Variants in MTUS2 observed in about 807,000 individuals in gnomAD.
MTUS2 encodes the protein microtubule associated scaffold protein 2.
A neutral mutation model predicts 114.1 loss-of-function variants in MTUS2; 40 were observed. That is an observed-to-expected ratio of 0.35 (90% CI 0.27 to 0.46). The LOEUF is 0.46. Among genes scored for constraint, MTUS2 ranks in the 20% least tolerant of loss-of-function variants. The pLI is 1.00. For synonymous variants in MTUS2, 688 were observed against 672.0 expected, an observed-to-expected ratio of 1.02 and a Z score of -0.37; for missense variants, 1,679 against 1,705.4, an observed-to-expected ratio of 0.98 and a Z score of 0.27.
chr13:29,125,086 T>C (rs1186097286), intron 5 of MTUS2, among the ~76,000 whole-genome samples: 1 of 152,226 alleles, frequency 6.6e-6, no homozygotes, highest in African/African-American at 2.4e-5. Flanking sequence ...AAAATTATAT[T>C]ATGTGAATTT....
At chr13:28,961,737 T>G (rs1174643270) in intron 2 of MTUS2, among the ~76,000 whole-genome samples, 1 of 152,176 alleles carries the variant, frequency 6.6e-6, no homozygotes, top group Non-Finnish European at 1.5e-5. Flanking sequence ...AGATACGTAG[T>G]TTTGCAGTGT....
At chr13:29,410,992 C>A (rs138647885) in intron 8 of MTUS2, among the ~76,000 whole-genome samples, 1 of 152,068 alleles carries the variant, frequency 6.6e-6, no homozygotes, top group Non-Finnish European at 1.5e-5. Context: ...CCACCACACC[C>A]GGCTAATTTT....
intron 5 of MTUS2, among the ~76,000 whole-genome samples, chr13:29,119,139 T>C (rs1891206114): frequency 6.6e-6 from 1 of 152,196 alleles, no homozygotes; most frequent in African/African-American, 2.4e-5. Context: ...ATCTAAAACA[T>C]ACACATATTG....
intron 2 of MTUS2, among the ~76,000 whole-genome samples, chr13:29,018,779 C>T (rs1296095097): frequency 8.1e-5 from 11 of 135,018 alleles, no homozygotes; most frequent in Non-Finnish European, 1.6e-4. Flanking sequence ...CCCCCGCCCC[C>T]GCCCCCTGCA....
intron 9 of MTUS2, among the ~76,000 whole-genome samples, chr13:29,472,121 T>C (rs912354341): frequency 8.6e-5 from 13 of 151,990 alleles, no homozygotes; most frequent in Non-Finnish European, 8.8e-5. Context: ...GCCTCCCGAG[T>C]TCAAGCGATT....
chr13:28,898,387 A>G (rs1879418198), intron 2 of MTUS2, among the ~76,000 whole-genome samples: 1 of 152,168 alleles, frequency 6.6e-6, no homozygotes, highest in Admixed American at 6.5e-5. Context: ...CAGCTTCACC[A>G]TATCAGAGCA....
intron 4 of MTUS2, among the ~76,000 whole-genome samples, chr13:29,094,644 T>G (rs1481021409): frequency 6.6e-6 from 1 of 152,078 alleles, no homozygotes; most frequent in Non-Finnish European, 1.5e-5. Context: ...TTGTTTTCAT[T>G]GGCTTTCTCT....
At chr13:29,036,472 G>A (rs1887078922) in intron 4 of MTUS2, among the ~76,000 whole-genome samples, 1 of 152,206 alleles carries the variant, frequency 6.6e-6, no homozygotes, top group South Asian at 2.1e-4. Context: ...GTGCTGAGAA[G>A]AATGTATATT....
chr13:29,121,956 G>C (rs1472494162), intron 5 of MTUS2, among the ~76,000 whole-genome samples: 1 of 151,960 alleles, frequency 6.6e-6, no homozygotes, highest in Non-Finnish European at 1.5e-5. Context: ...CACCACACCC[G>C]GCCCACTTTT....
At chr13:28,910,026 T>C (rs1486605605) in intron 2 of MTUS2, among the ~76,000 whole-genome samples, 1 of 152,242 alleles carries the variant, frequency 6.6e-6, no homozygotes, top group East Asian at 1.9e-4. Context: ...ATTTATCCTT[T>C]GTGTTACAAT....
intron 2 of MTUS2, among the ~76,000 whole-genome samples, chr13:28,876,574 C>T (rs1205417693): frequency 6.6e-6 from 1 of 152,156 alleles, no homozygotes; most frequent in African/African-American, 2.4e-5. Context: ...TGCAGAAGAT[C>T]GAGGAAGATC....
intron 5 of MTUS2, among the ~76,000 whole-genome samples, chr13:29,213,828 G>GT (rs1566070247): frequency 2.0e-5 from 3 of 151,922 alleles, no homozygotes; most frequent in African/African-American, 7.3e-5. Context: ...ATTTAATTTA[G>GT]TTTAAATCTA....
chr13:29,201,831 C>T (rs1283626002), intron 5 of MTUS2, among the ~76,000 whole-genome samples: 1 of 152,106 alleles, frequency 6.6e-6, no homozygotes, highest in Non-Finnish European at 1.5e-5. Context: ...GAATATTGGC[C>T]CCCACTCTCT....
At position 29,405,370 on chromosome 13, in the gene MTUS2, A is replaced by C. The variant is rs3923091; in HGVS notation, c.3118-34613A>C. On this transcript the variant is annotated intron_variant, in intron 8 of 15. Transcript: ENST00000612955. ...ACAACCTGTTTTTGACTTCTTTACTATCCAAATATGATGGCTTTTAGAAAG... is the reference window on the plus strand; with the variant it reads ...ACAACCTGTTTTTGACTTCTTTACTCTCCAAATATGATGGCTTTTAGAAAG... Among the ~76,000 whole-genome samples the C allele has an allele frequency of 8.5e-5, 13 of 152,334 alleles. No individual in the cohort carries two copies. In the East Asian group the frequency reaches 2.1e-3, roughly 25 times the overall value.
At chr13:29,285,005 T>C (rs1898418568) in intron 6 of MTUS2, among the ~76,000 whole-genome samples, 1 of 152,032 alleles carries the variant, frequency 6.6e-6, no homozygotes, top group African/African-American at 2.4e-5. Flanking sequence ...CTTGCCATGC[T>C]AGCTGGCTAA....
At chr13:28,983,923 C>T (rs772384948) in intron 2 of MTUS2, among the ~76,000 whole-genome samples, 3 of 152,370 alleles carry the variant, frequency 2.0e-5, no homozygotes, top group Non-Finnish European at 2.9e-5. Context: ...AGCACAGGCA[C>T]TCGCAGCTGT....
chr13:29,325,479 G>GAAA, intron 7 of MTUS2, among the ~76,000 whole-genome samples: 2 of 52,554 alleles, frequency 3.8e-5, no homozygotes, highest in Admixed American at 4.4e-4. Context: ...AAGAAAAGAA[G>GAAA]AAGAGGAAGA....
At chr13:29,080,516 C>G (rs546501301) in intron 4 of MTUS2, among the ~76,000 whole-genome samples, 20 of 152,262 alleles carry the variant, frequency 1.3e-4, no homozygotes, top group African/African-American at 4.6e-4. Flanking sequence ...GGAAGCCAGT[C>G]CATATCTCAA....
At chr13:29,018,716 C>T (rs1041135036) in intron 2 of MTUS2, among the ~76,000 whole-genome samples, 4 of 151,872 alleles carry the variant, frequency 2.6e-5, no homozygotes, top group African/African-American at 9.7e-5. Flanking sequence ...GCTGAGCTCA[C>T]ACCACTGCAC....
Sources: allele counts gnomAD v4.1 joint callset (sites outside exome capture counted in the v4.1 genomes callset), GRCh38; gene constraint gnomAD v4.1.1; transcripts MANE v1.5; gene names NCBI Gene and HGNC (gene_info 2026-07-23, HGNC 2026-07-21).